The following CNOT9 variants were observed in gnomAD, a reference collection of about 807,000 sequenced individuals.
The protein encoded by CNOT9 is CCR4-NOT transcription complex subunit 9, also known as RCD1 required for cell differentiation1 homolog.
Under a neutral mutation model 37.4 loss-of-function variants are expected in CNOT9, and 8 were observed. The observed-to-expected ratio is 0.21, with a 90% CI of 0.13 to 0.39. The LOEUF (loss-of-function observed/expected upper bound fraction) is 0.39, where lower values mean the gene tolerates loss of function less well. Ranked by LOEUF, CNOT9 falls within the 10% of genes least tolerant of loss-of-function variation. The pLI, the probability that CNOT9 is intolerant of heterozygous loss-of-function variation, is 1.00. For synonymous variants in CNOT9, 120 were observed against 137.6 expected (o/e 0.87, Z 0.90); for missense variants, 154 against 365.3 (o/e 0.42, Z 4.71).
chr2:218,583,590 T>TA (rs1363252651), intron 3 of CNOT9, among the ~76,000 whole-genome samples: 2 of 152,278 alleles, frequency 1.3e-5, no homozygotes, highest in South Asian at 2.1e-4. Context: ...CTGTCATATC[T>TA]AAAAAATTAA....
chr2:218,568,842 C>A lies in CNOT9; in HGVS notation c.-113C>A, dbSNP rs2106072697. The A allele has an allele frequency of 3.2e-6, 4 of 1,265,508 alleles. No homozygotes were observed. The highest frequency in any genetic ancestry group is 4.4e-6 in the Non-Finnish European group (4 of 900,056). 78.4% of individuals were successfully genotyped at this position (1,265,508 alleles called of 1,614,324 possible). On this transcript the variant is annotated 5_prime_UTR_variant, in exon 1 of 8. Transcript: ENST00000273064. Reference sequence around the variant, plus strand: ...AGGGCCGCGAAGTGGGCGGAGCGAGCCGGAGTCGGATGGCGGCTACGGCGG... The same window carrying A: ...AGGGCCGCGAAGTGGGCGGAGCGAGACGGAGTCGGATGGCGGCTACGGCGG...
At position 218,596,538 on chromosome 2, in the gene CNOT9, A is replaced by AAAACAC. The variant is rs1280283393; in HGVS notation, c.*2263_*2264insAACACA. ...GCTTCTCCCCTCTGTCTACCTACAC[A>AAAACAC]ACACACACACACACACACACACAGC... On this transcript the variant is annotated 3_prime_UTR_variant, in exon 8 of 8. Coordinates refer to ENST00000273064, the MANE Select transcript of CNOT9 (RefSeq NM_005444.3). The AAAACAC allele has an allele frequency of 6.7e-6, 1 of 149,926 alleles. No individual in the cohort carries two copies. Among genetic ancestry groups the AAAACAC allele is most frequent in the African/African-American group, 2.4e-5 (1 of 41,016 alleles). The allele number at this position is 149,926 out of a possible 1,614,324, so 9.3% of individuals were successfully genotyped here.
intron 5 of CNOT9, among the ~76,000 whole-genome samples, chr2:218,589,032 A>G (rs1467261886): frequency 6.6e-6 from 1 of 151,480 alleles, no homozygotes; most frequent in Non-Finnish European, 1.5e-5. Flanking sequence ...TTTAAATTTC[A>G]TATTATTTGA....
At chr2:218,587,543 A>C (rs1046356905) in intron 4 of CNOT9, 43 bp from the exon 5 acceptor site, 1 of 1,500,258 alleles carries the variant, frequency 6.7e-7, no homozygotes. Context: ...TTAACTGGAA[A>C]CCCTAACTGT....
chr2:218,592,497 G>A lies in CNOT9; in HGVS notation c.639+95G>A, dbSNP rs770537952. 2.8e-5 allele frequency: 40 copies of A among 1,454,484 alleles called. No homozygotes were observed. The highest frequency in any genetic ancestry group is 1.3e-4 in the Admixed American group (8 of 59,780). The allele number at this position is 1,454,484 out of a possible 1,614,324, so 90.1% of individuals were successfully genotyped here. A position where few individuals can be genotyped will look rare whatever the true frequency, so the allele number is the denominator to read the frequency against. On this transcript the variant is annotated intron_variant, in intron 6 of 7. Coordinates refer to ENST00000273064, the MANE Select transcript of CNOT9 (RefSeq NM_005444.3). The surrounding 1 kb of genome is among the most constrained non-coding windows in gnomAD (Gnocchi z 4.1). Reference sequence around the variant, plus strand: ...TTGAACAACTTCAGTCCTCTGACTAGAACTAACAATTTTGGAACCTTTTAT... The same window carrying A: ...TTGAACAACTTCAGTCCTCTGACTAAAACTAACAATTTTGGAACCTTTTAT...
In CNOT9 at chr2:218,595,127, G is replaced by A. The variant is rs1435756626; in HGVS notation, c.*851G>A. Reference sequence around the variant, plus strand: ...CCCTTCTATTAAACTTAAAACAGATGTCTTAATTAATCAGGCTGTCTTGGA... The same window carrying A: ...CCCTTCTATTAAACTTAAAACAGATATCTTAATTAATCAGGCTGTCTTGGA... On this transcript the variant is annotated 3_prime_UTR_variant, in exon 8 of 8. Coordinates refer to ENST00000273064, the MANE Select transcript of CNOT9 (RefSeq NM_005444.3). 1 of 152,126 alleles carries A rather than the reference G, an allele frequency of 6.6e-6. No homozygotes were observed. The highest frequency in any genetic ancestry group is 2.4e-5 in the African/African-American group (1 of 41,416). 9.4% of individuals were successfully genotyped at this position (152,126 alleles called of 1,614,324 possible). A position where few individuals can be genotyped will look rare whatever the true frequency, so the allele number is the denominator to read the frequency against.
At chr2:218,590,299 G>C (rs1240176031) in intron 5 of CNOT9, among the ~76,000 whole-genome samples, 2 of 152,032 alleles carry the variant, frequency 1.3e-5, no homozygotes, top group Non-Finnish European at 2.9e-5. Flanking sequence ...GAACTCCTAA[G>C]CTCAGGCAAT....
At chr2:218,586,427 C>T (rs753001219) in intron 4 of CNOT9, among the ~76,000 whole-genome samples, 11 of 151,828 alleles carry the variant, frequency 7.2e-5, no homozygotes, top group South Asian at 2.1e-4. Flanking sequence ...TGGCCATCTA[C>T]AAGCCAGGAA....
At chr2:218,581,331 G>C (rs182020532) in intron 2 of CNOT9, among the ~76,000 whole-genome samples, 3 of 151,366 alleles carry the variant, frequency 2.0e-5, no homozygotes, top group Non-Finnish European at 4.4e-5. Context: ...ACCATGCCTG[G>C]CTTTTTTTTT....
At chr2:218,587,407 G>A (rs1452809573) in intron 4 of CNOT9, 179 bp from the exon 5 acceptor site, 2 of 1,204,010 alleles carry the variant, frequency 1.7e-6, no homozygotes, top group East Asian at 3.8e-5. Flanking sequence ...ACAGGTGTGA[G>A]CTACTGCGCC....
In CNOT9 at chr2:218,585,166, C is replaced by G. The variant is rs531710673; in HGVS notation, c.430+445C>G. Among the ~76,000 whole-genome samples the G allele has an allele frequency of 9.6e-4, 146 of 152,198 alleles. 1 individual carries two copies. Among genetic ancestry groups the G allele is most frequent in the African/African-American group, 3.4e-3 (141 of 41,520 alleles). ...TGAACTCCTAGGCTCAAGTGATCCT[C>G]CTGCCTCAGCCTCCCAAGTAATAGG... On this transcript the variant is annotated intron_variant, in intron 4 of 7. Coordinates refer to ENST00000273064, the MANE Select transcript of CNOT9 (RefSeq NM_005444.3).
chr2:218,585,787 G>A (rs923555965), intron 4 of CNOT9, among the ~76,000 whole-genome samples: 1 of 151,222 alleles, frequency 6.6e-6, no homozygotes, highest in African/African-American at 2.4e-5. Flanking sequence ...ATAGGCACAT[G>A]CCACCACACC....
At chr2:218,575,387 C>CTTT (rs71064461) in intron 1 of CNOT9, among the ~76,000 whole-genome samples, 10 of 127,252 alleles carry the variant, frequency 7.9e-5, no homozygotes, top group African/African-American at 1.7e-4. Context: ...TTTCTTTTTT[C>CTTT]TTTTTTTTTT....
At chr2:218,579,982 C>CT (rs35938584) in intron 1 of CNOT9, among the ~76,000 whole-genome samples, 4,349 of 115,304 alleles carry the variant, frequency 0.038, 125 homozygotes, top group East Asian at 0.12. Context: ...CCACACCTGG[C>CT]TTTTTTTTTT....
intron 1 of CNOT9, chr2:218,572,712 A>G: frequency 1.0e-6 from 1 of 984,984 alleles, no homozygotes; most frequent in Non-Finnish European, 1.2e-6. Flanking sequence ...ACCGGAGGTA[A>G]GCCTTTAGGG....
In CNOT9 at chr2:218,583,087, G is replaced by A. The variant is rs1316088885; in HGVS notation, c.320+1G>A. ...GTGTAGCATCACATCCAGAAACCAGGTAAATGCTTTGGGTGAGTCACTTGG... is the reference window on the plus strand; with the variant it reads ...GTGTAGCATCACATCCAGAAACCAGATAAATGCTTTGGGTGAGTCACTTGG... On this transcript the variant is annotated splice_donor_variant, in intron 3 of 7. Coordinates refer to ENST00000273064, the MANE Select transcript of CNOT9 (RefSeq NM_005444.3). LOFTEE classifies it high-confidence loss of function. The A allele has an allele frequency of 6.2e-7, 1 of 1,601,104 alleles. No individual in the cohort carries two copies. Among genetic ancestry groups the A allele is most frequent in the Non-Finnish European group, 8.6e-7 (1 of 1,168,446 alleles).
chr2:218,573,985 T>C (rs1196003615), intron 1 of CNOT9: 1 of 432,120 alleles, frequency 2.3e-6, no homozygotes, highest in Non-Finnish European at 4.6e-6. Context: ...ATTTTATGTT[T>C]TTGAGACAGG....
At chr2:218,581,009 A>G (rs558949088) in intron 2 of CNOT9, 3 of 556,796 alleles carry the variant, frequency 5.4e-6, no homozygotes, top group Admixed American at 2.2e-5. Context: ...TTGTGATGCA[A>G]GTGATCTAAG....
rs1433036157 is a variant in CNOT9, at chr2:218,568,913, G to C, written c.-42G>C. 2 of 1,596,300 alleles carry C rather than the reference G, an allele frequency of 1.3e-6. No homozygotes were observed. The highest frequency in any genetic ancestry group is 2.3e-5 in the East Asian group (1 of 43,828). The stretch of plus-strand genomic sequence containing the variant: ...GGGTGCTGAAGGGGGGACGCGGGTC[G>C]GACGCGTCCGGCTGTGGAAGAGAGC... On this transcript the variant is annotated 5_prime_UTR_variant, in exon 1 of 8. Coordinates refer to ENST00000273064, the MANE Select transcript of CNOT9 (RefSeq NM_005444.3).
Sources: gnomAD v4.1 joint callset for allele counts (sites outside exome capture counted in the v4.1 genomes callset) on GRCh38, gnomAD v4.1.1 for gene constraint, Gnocchi (gnomAD v3.1) non-coding constraint, MANE v1.5 for transcripts, NCBI Gene and HGNC (gene_info 2026-07-23, HGNC 2026-07-21) for gene names.